GRHL2: variants seen among roughly 807,000 people sequenced by gnomAD.
GRHL2 encodes grainyhead like transcription factor 2.
In GRHL2, 21 loss-of-function variants were observed where a neutral mutation model predicts 83.8. The ratio of observed to expected loss-of-function variants is 0.25; its 90% CI spans 0.18 to 0.36. GRHL2 has a LOEUF of 0.36. Ranked by LOEUF, GRHL2 falls within the 10% of genes least tolerant of loss-of-function variation. GRHL2 has a pLI of 1.00. For synonymous variants in GRHL2, 280 were observed against 278.9 expected (o/e 1.00, Z -0.04); for missense variants, 623 against 781.8 (o/e 0.80, Z 2.42).
intron 8 of GRHL2, among the ~76,000 whole-genome samples, chr8:101,610,330 G>A (rs1812722960): frequency 6.6e-6 from 1 of 151,000 alleles, no homozygotes; most frequent in Non-Finnish European, 1.5e-5. Context: ...AAAATCCCCA[G>A]GGAGAGAATC....
intron 9 of GRHL2, among the ~76,000 whole-genome samples, chr8:101,623,386 C>T (rs76095690): frequency 1.3e-5 from 2 of 151,648 alleles, no homozygotes; most frequent in African/African-American, 4.9e-5. Context: ...AGACAGTTCA[C>T]GGTACCCAGT....
intron 1 of GRHL2, among the ~76,000 whole-genome samples, chr8:101,509,952 G>A (rs946691558): frequency 3.5e-4 from 53 of 152,138 alleles, no homozygotes; most frequent in Middle Eastern, 3.4e-3. Flanking sequence ...TAAATGAAGG[G>A]TAATCTTTAA....
At chr8:101,582,199 C>T (rs1338004755) in intron 7 of GRHL2, among the ~76,000 whole-genome samples, 2 of 148,620 alleles carry the variant, frequency 1.3e-5, no homozygotes, top group Non-Finnish European at 3.0e-5. Context: ...GATCACACCA[C>T]TGCACTCCAC....
intron 3 of GRHL2, among the ~76,000 whole-genome samples, chr8:101,555,549 A>C (rs1037740704): frequency 6.6e-6 from 1 of 152,186 alleles, no homozygotes; most frequent in African/African-American, 2.4e-5. Flanking sequence ...GGTTTAGGAC[A>C]TGGTAATGTA....
chr8:101,570,940 C>T (rs1387777524), intron 5 of GRHL2, among the ~76,000 whole-genome samples: 1 of 152,166 alleles, frequency 6.6e-6, no homozygotes, highest in South Asian at 2.1e-4. Flanking sequence ...ATTGGATCTC[C>T]CTGCCAACAC....
intron 1 of GRHL2, among the ~76,000 whole-genome samples, chr8:101,537,841 A>G (rs926587059): frequency 6.6e-6 from 1 of 152,226 alleles, no homozygotes; most frequent in African/African-American, 2.4e-5. Flanking sequence ...AATGGATATG[A>G]GAAGTTGATT....
intron 7 of GRHL2, among the ~76,000 whole-genome samples, chr8:101,585,893 A>G (rs1812153046): frequency 6.6e-6 from 1 of 151,978 alleles, no homozygotes; most frequent in African/African-American, 2.4e-5. Flanking sequence ...TGTTGAGGCT[A>G]GTATCTCGGG....
At chr8:101,645,884 AT>A (rs944706179) in intron 13 of GRHL2, among the ~76,000 whole-genome samples, 11 of 151,780 alleles carry the variant, frequency 7.2e-5, no homozygotes, top group Admixed American at 1.3e-4. Flanking sequence ...TTTAAAAAAA[AT>A]TTTTTTTTGA....
chr8:101,578,067 G>C (rs910906060), intron 7 of GRHL2, among the ~76,000 whole-genome samples: 1 of 152,144 alleles, frequency 6.6e-6, no homozygotes, highest in Non-Finnish European at 1.5e-5. Flanking sequence ...TAAACTTGAG[G>C]TCCGTTCTGT....
intron 4 of GRHL2, among the ~76,000 whole-genome samples, chr8:101,560,970 C>T (rs1041709929): frequency 2.9e-4 from 44 of 151,900 alleles, no homozygotes; most frequent in Middle Eastern, 3.4e-3. Flanking sequence ...CCATGAGCGA[C>T]GGCATTTAAT....
At chr8:101,638,459 C>T (rs950269174) in intron 12 of GRHL2, among the ~76,000 whole-genome samples, 2 of 152,194 alleles carry the variant, frequency 1.3e-5, no homozygotes, top group Non-Finnish European at 2.9e-5. Flanking sequence ...CTACTGGAAA[C>T]AGCTGTGTCA....
rs545083377 is a variant in GRHL2, at chr8:101,522,714, A to G, written c.21-20527A>G. ...GCCATTGCCAAGCCTTACAAATACA[A>G]GTATGTTTATACATATACATATACA... On this transcript the variant is annotated intron_variant, in intron 1 of 15. Transcript: ENST00000646743. Among the ~76,000 whole-genome samples the G allele has an allele frequency of 2.7e-4, 31 of 114,068 alleles. 1 individual carries two copies. In the South Asian group the frequency reaches 7.7e-3, roughly 28 times the overall value. 74.8% of individuals were successfully genotyped at this position (114,068 alleles called of 152,430 possible).
intron 9 of GRHL2, among the ~76,000 whole-genome samples, chr8:101,623,213 G>A (rs1346759333): frequency 2.0e-5 from 3 of 152,232 alleles, no homozygotes; most frequent in Admixed American, 6.5e-5. Flanking sequence ...AAGTCTCAAC[G>A]GCCTTTCAGG....
chr8:101,633,206 A>G (rs1233876754), intron 11 of GRHL2, among the ~76,000 whole-genome samples: 2 of 152,190 alleles, frequency 1.3e-5, no homozygotes, highest in African/African-American at 2.4e-5. Context: ...CTGTTATGTG[A>G]TAAACAAAAA....
At chr8:101,641,380 A>T (rs1400225425) in intron 12 of GRHL2, among the ~76,000 whole-genome samples, 1 of 152,150 alleles carries the variant, frequency 6.6e-6, no homozygotes, top group Non-Finnish European at 1.5e-5. Flanking sequence ...GGCCACAAGC[A>T]GAATTGAGAA....
intron 4 of GRHL2, among the ~76,000 whole-genome samples, chr8:101,567,360 T>A (rs1047812013): frequency 1.3e-5 from 2 of 152,206 alleles, no homozygotes; most frequent in Non-Finnish European, 2.9e-5. Context: ...CAAATTATAT[T>A]AATAGGTCTC....
intron 1 of GRHL2, among the ~76,000 whole-genome samples, chr8:101,526,525 C>CTTT (rs33928032): frequency 2.9e-4 from 32 of 109,630 alleles, no homozygotes; most frequent in East Asian, 5.4e-4. Context: ...TCTTTTTTTC[C>CTTT]TTTTTTTTTT....
intron 4 of GRHL2, among the ~76,000 whole-genome samples, chr8:101,560,171 A>G (rs1180979439): frequency 2.0e-5 from 2 of 102,496 alleles, no homozygotes; most frequent in African/African-American, 8.8e-5. Context: ...ATGCCTGGCT[A>G]AATTTTGTGT....
intron 14 of GRHL2, among the ~76,000 whole-genome samples, chr8:101,657,483 T>A (rs1290330195): frequency 6.6e-6 from 1 of 152,204 alleles, no homozygotes; most frequent in Non-Finnish European, 1.5e-5. Flanking sequence ...CAAATATTGA[T>A]AATGCACTTT....
Sources: allele counts gnomAD v4.1 joint callset (sites outside exome capture counted in the v4.1 genomes callset), GRCh38; gene constraint gnomAD v4.1.1; transcripts MANE v1.5; gene names NCBI Gene and HGNC (gene_info 2026-07-23, HGNC 2026-07-21).